The following RPS6KC1 variants were observed in gnomAD, a reference collection of about 807,000 sequenced individuals.
RPS6KC1 encodes the protein ribosomal protein S6 kinase C1, also known as inactive ribosomal protein S6 kinase delta-1.
RPS6KC1 carries 54 observed loss-of-function variants against 103.8 expected under a neutral mutation model. The ratio of observed to expected loss-of-function variants is 0.52; its 90% CI spans 0.42 to 0.65. RPS6KC1 has a LOEUF of 0.65. Among genes scored for constraint, RPS6KC1 ranks in the 30% least tolerant of loss-of-function variants. The pLI is 0.00. For missense variants in RPS6KC1, 1,151 were observed against 1,253.8 expected (o/e 0.92, Z 1.24); for synonymous variants, 439 against 438.7 (o/e 1.00, Z -0.01).
rs2088251824 is a variant in RPS6KC1 at position 213,149,023 on chromosome 1, CTG to C, written c.836-18833_836-18832del. 4.6e-5 allele frequency among the ~76,000 whole-genome samples: 7 copies of C among 152,076 alleles called. No individual in the cohort carries two copies. In the South Asian group the frequency reaches 1.5e-3, roughly 32 times the overall value. On this transcript the variant is annotated intron_variant, in intron 6 of 14. Transcript: ENST00000366960. ...ATTTCTGCAGTAACAGTTATAAAGT[CTG>C]TTTTTACATTTCTGATTTTATTTAT...
Position 213,105,428 on chromosome 1 carries a change from T to G in RPS6KC1, c.378+859T>G, listed in dbSNP as rs145474769. On this transcript the variant is annotated intron_variant, in intron 4 of 14. Transcript: ENST00000366960. The stretch of plus-strand genomic sequence containing the variant: ...TATTCACTTGTATAAGTTAAATTTC[T>G]TAGCCTATATAACCAGTGATATGTA... Among the ~76,000 whole-genome samples, 369 of 152,236 alleles carry G rather than the reference T, an allele frequency of 2.4e-3. 1 individual carries two copies. The highest frequency in any genetic ancestry group is 8.4e-3 in the African/African-American group (351 of 41,550).
In RPS6KC1 at chr1:213,189,719, CTGT is replaced by C. The variant is rs567802542; in HGVS notation, c.1044+13232_1044+13234del. ...TAAGTTGTTATTGACTATAGTCATT[CTGT>C]TGTTTTATCAAATTCTAGTTGTTAT... On this transcript the variant is annotated intron_variant, in intron 8 of 14. Transcript: ENST00000366960. Among the ~76,000 whole-genome samples the C allele has an allele frequency of 9.2e-5, 14 of 152,176 alleles. No homozygotes were observed. In the South Asian group the frequency reaches 2.9e-3, roughly 32 times the overall value.
chr1:213,750,357 C>T, the RPS6KC1 span, among the ~76,000 whole-genome samples: 26,538 of 152,214 alleles, frequency 0.17, 2,722 homozygotes, highest in Middle Eastern at 0.3. Context: ...TTCAGTCCTT[C>T]GCTGGAGTTA....
rs1023554844 is a variant in RPS6KC1, at chr1:213,242,632, C to T, written c.2885C>T (p.Ala962Val). 1.9e-6 allele frequency: 3 copies of T among 1,612,276 alleles called. No individual in the cohort carries two copies. In the African/African-American group the frequency reaches 4.0e-5, roughly 22 times the overall value. The stretch of plus-strand genomic sequence containing the variant: ...GTTGAAGATTCCTGTGACAGCGATG[C>T]CATAGAGAGAATGTACTGTGCCCCA... Reference protein sequence around the residue: ...SEVEDSCDSDAIERMYCAPEV... With the variant: ...SEVEDSCDSDVIERMYCAPEV... Residue 962 changes from alanine (A) to valine (V), a missense_variant, in exon 12 of 15, where the codon GCC becomes GTC. By Grantham distance (64) the Ala-to-Val change is moderately conservative. Transcript: ENST00000366960.
the RPS6KC1 span, among the ~76,000 whole-genome samples, chr1:213,443,110 T>C: frequency 3.3e-5 from 5 of 151,968 alleles, no homozygotes; most frequent in African/African-American, 9.7e-5. Context: ...GAAGTGGAGG[T>C]TGGAAATGGA....
At chr1:213,729,915 CCCT>C in the RPS6KC1 span, among the ~76,000 whole-genome samples, 1 of 152,192 alleles carries the variant, frequency 6.6e-6, no homozygotes, top group African/African-American at 2.4e-5. Flanking sequence ...CGGATCTTCT[CCCT>C]CCTCCTACCC....
intron 8 of RPS6KC1, among the ~76,000 whole-genome samples, chr1:213,200,935 C>T (rs2093139604): frequency 6.6e-6 from 1 of 151,976 alleles, no homozygotes; most frequent in Non-Finnish European, 1.5e-5. Flanking sequence ...CACTCAGACA[C>T]ATAGAGAGGA....
chr1:213,425,677 C>T, the RPS6KC1 span, among the ~76,000 whole-genome samples: 1 of 152,198 alleles, frequency 6.6e-6, no homozygotes, highest in South Asian at 2.1e-4. Context: ...GAGGAGGCGA[C>T]GTGGAGGGAT....
At chr1:213,200,611 C>CA (rs888835441) in intron 8 of RPS6KC1, among the ~76,000 whole-genome samples, 2 of 151,966 alleles carry the variant, frequency 1.3e-5, no homozygotes, top group African/African-American at 4.8e-5. Context: ...AAAGCAATGG[C>CA]AAAAAACAAA....
the RPS6KC1 span, among the ~76,000 whole-genome samples, chr1:213,760,989 A>C: frequency 6.6e-6 from 1 of 151,286 alleles, no homozygotes; most frequent in African/African-American, 2.4e-5. Context: ...AATGTTTTCC[A>C]GGTCACAAAG....
In RPS6KC1 at chr1:213,241,886, G is replaced by A; in HGVS notation, c.2410G>A (p.Val804Met). The A allele has an allele frequency of 6.2e-7, 1 of 1,614,038 alleles. No individual in the cohort carries two copies. Among genetic ancestry groups the A allele is most frequent in the Non-Finnish European group, 8.5e-7 (1 of 1,179,948 alleles). The change falls in exon 11 of 15, where the codon GTG becomes ATG. Residue 804 changes from valine to methionine, a missense_variant. Around this residue, in one of 3 missense-constraint regions of RPS6KC1, gnomAD observed 959 missense variants for 1,006.3 expected, o/e 0.95. Transcript: ENST00000366960. ...SSDPKFQGLG[V>M]VESAVTANNT... ...AGATCCTAAGTTTCAAGGACTTGGA[G>A]TGGTTGAGTCAGCAGTAACTGCAAA...
intron 14 of RPS6KC1, among the ~76,000 whole-genome samples, chr1:213,264,289 TTTAGA>T (rs2094865678): frequency 6.6e-6 from 1 of 152,106 alleles, no homozygotes; most frequent in Admixed American, 6.5e-5. Flanking sequence ...CCTAGAGCAC[TTTAGA>T]TTAAGAGGTA....
At position 213,151,327 on chromosome 1, in the gene RPS6KC1, C is replaced by T. The variant is rs1349006381; in HGVS notation, c.836-16531C>T. On this transcript the variant is annotated intron_variant, in intron 6 of 14. Coordinates refer to ENST00000366960, the MANE Select transcript of RPS6KC1 (RefSeq NM_012424.6). ...GGCGCCCCTCACCTCCCGGACGGGG[C>T]GGCTGGCCGGGCGGGGGGCTAACCC... Among the ~76,000 whole-genome samples the T allele has an allele frequency of 7.5e-5, 9 of 119,982 alleles. No homozygotes were observed. The East Asian group carries it at 1.4e-3, about 18-fold the overall frequency. The allele number at this position is 119,982 out of a possible 152,430, so 78.7% of individuals were successfully genotyped here. A position where few individuals can be genotyped will look rare whatever the true frequency, so the allele number is the denominator to read the frequency against.
chr1:213,509,761 A>C, the RPS6KC1 span, among the ~76,000 whole-genome samples: 1 of 152,240 alleles, frequency 6.6e-6, no homozygotes, highest in South Asian at 2.1e-4. Context: ...AGCAGACACA[A>C]ACTTTAATGC....
At chr1:213,231,546 A>G (rs12072668) in intron 9 of RPS6KC1, among the ~76,000 whole-genome samples, 1,730 of 152,298 alleles carry the variant, frequency 0.011, 37 homozygotes, top group African/African-American at 0.04. Context: ...GCATGGCAGT[A>G]GGTCACATTG....
At chr1:213,175,116 G>T (rs2091779002) in intron 7 of RPS6KC1, among the ~76,000 whole-genome samples, 1 of 152,174 alleles carries the variant, frequency 6.6e-6, no homozygotes, top group Non-Finnish European at 1.5e-5. Context: ...TTTCCCAGTT[G>T]TAAATGACAC....
the RPS6KC1 span, among the ~76,000 whole-genome samples, chr1:213,834,691 AACAC>A: frequency 6.7e-6 from 1 of 148,532 alleles, no homozygotes; most frequent in Non-Finnish European, 1.5e-5. Context: ...GCCCTTCTCA[AACAC>A]ACACACACAC....
chr1:213,561,957 G>A, the RPS6KC1 span, among the ~76,000 whole-genome samples: 1 of 152,172 alleles, frequency 6.6e-6, no homozygotes, highest in Non-Finnish European at 1.5e-5. Flanking sequence ...GGTCAAGGTT[G>A]CACTTTCAAT....
At chr1:213,461,093 A>G in the RPS6KC1 span, among the ~76,000 whole-genome samples, 2 of 152,152 alleles carry the variant, frequency 1.3e-5, no homozygotes, top group Admixed American at 6.5e-5. Context: ...GCAAAGTCTC[A>G]GATACAAAAT....
Sources: allele counts gnomAD v4.1 joint callset (sites outside exome capture counted in the v4.1 genomes callset), GRCh38; gene constraint gnomAD v4.1.1; regional missense constraint gnomAD v4.1.1; transcripts MANE v1.5; gene names NCBI Gene and HGNC (gene_info 2026-07-23, HGNC 2026-07-21).